Variants in TRDN observed in about 807,000 individuals in gnomAD.
The protein encoded by TRDN is triadin, also known as triadin in skeletal muscle.
A neutral mutation model predicts 149.7 loss-of-function variants in TRDN; 161 were observed. The ratio of observed to expected loss-of-function variants is 1.08; its 90% confidence interval spans 0.95 to 1.23. The LOEUF (loss-of-function observed/expected upper bound fraction) is 1.23. TRDN is among the 50% of genes most tolerant of loss of function. The pLI is 0.00. For synonymous variants in TRDN, 294 were observed against 250.5 expected, an observed-to-expected ratio of 1.17 and a Z score of -1.64; for missense variants, 896 against 823.5, an observed-to-expected ratio of 1.09 and a Z score of -1.08.
chr6:123,398,116 T>C (rs1271718472), intron 12 of TRDN, among the ~76,000 whole-genome samples: 3 of 152,240 alleles, frequency 2.0e-5, no homozygotes, highest in East Asian at 3.8e-4. Context: ...GCAATTCTCC[T>C]GCCTCAGCCT....
At chr6:123,282,928 G>A (rs1190611715) in intron 24 of TRDN, among the ~76,000 whole-genome samples, 1 of 151,820 alleles carries the variant, frequency 6.6e-6, no homozygotes, top group Non-Finnish European at 1.5e-5. Context: ...GACTCATTAA[G>A]TAAGTCCATT....
intron 37 of TRDN, 79 bp from the exon 38 acceptor site, chr6:123,252,514 ATATC>A: frequency 1.4e-6 from 1 of 723,318 alleles, no homozygotes; most frequent in Non-Finnish European, 2.2e-6. Flanking sequence ...CTTTATAAAA[ATATC>A]TAATTATTTT....
At chr6:123,315,049 A>G (rs575818635) in intron 24 of TRDN, among the ~76,000 whole-genome samples, 4 of 152,122 alleles carry the variant, frequency 2.6e-5, no homozygotes, top group Admixed American at 2.6e-4. Flanking sequence ...ACTTAATGTA[A>G]ACTAATAATA....
intron 38 of TRDN, among the ~76,000 whole-genome samples, chr6:123,250,164 C>G (rs562960125): frequency 6.6e-6 from 1 of 152,100 alleles, no homozygotes; most frequent in Non-Finnish European, 1.5e-5. Flanking sequence ...ACAAGGAAAA[C>G]TACAAACACT....
chr6:123,335,214 A>G (rs1231120607), intron 22 of TRDN, among the ~76,000 whole-genome samples: 1 of 151,880 alleles, frequency 6.6e-6, no homozygotes, highest in Non-Finnish European at 1.5e-5. Context: ...TATATATAAT[A>G]AAGGCATTTT....
At chr6:123,248,105 T>C (rs192472851) in intron 38 of TRDN, among the ~76,000 whole-genome samples, 2 of 152,220 alleles carry the variant, frequency 1.3e-5, no homozygotes, top group East Asian at 1.9e-4. Context: ...TAACTGAAGA[T>C]GGATTAAAGA....
chr6:123,233,227 CA>C (rs1268380729), intron 38 of TRDN, among the ~76,000 whole-genome samples: 1 of 152,006 alleles, frequency 6.6e-6, no homozygotes, highest in Non-Finnish European at 1.5e-5. Flanking sequence ...TAGTTCAAAG[CA>C]ACATTTGACA....
At chr6:123,295,315 CTT>C (rs1010628255) in intron 24 of TRDN, among the ~76,000 whole-genome samples, 10 of 152,300 alleles carry the variant, frequency 6.6e-5, no homozygotes, top group African/African-American at 2.4e-4. Flanking sequence ...AGATGCTACT[CTT>C]TGCCTATGGA....
At chr6:123,447,633 A>T (rs1775467460) in intron 10 of TRDN, among the ~76,000 whole-genome samples, 1 of 152,192 alleles carries the variant, frequency 6.6e-6, no homozygotes, top group South Asian at 2.1e-4. Context: ...AAGCTATATC[A>T]TTCATGAAAT....
chr6:123,446,036 C>T (rs1015419715), intron 10 of TRDN, among the ~76,000 whole-genome samples: 1 of 151,070 alleles, frequency 6.6e-6, no homozygotes, highest in Non-Finnish European at 1.5e-5. Flanking sequence ...CACATATACT[C>T]CATGGAATAC....
chr6:123,591,437 G>A (rs558608748), intron 1 of TRDN, among the ~76,000 whole-genome samples: 1 of 152,136 alleles, frequency 6.6e-6, no homozygotes, highest in South Asian at 2.1e-4. Flanking sequence ...GTACAGATGG[G>A]GTTTCACCAT....
chr6:123,473,532 C>T (rs1334784579), intron 9 of TRDN, among the ~76,000 whole-genome samples: 3 of 151,976 alleles, frequency 2.0e-5, no homozygotes, highest in Non-Finnish European at 2.9e-5. Context: ...AGGATATTAT[C>T]CAGGAGAACT....
intron 1 of TRDN, among the ~76,000 whole-genome samples, chr6:123,631,303 A>G (rs771139418): frequency 2.6e-5 from 4 of 151,982 alleles, no homozygotes; most frequent in African/African-American, 7.2e-5. Context: ...TCCAAGCCAT[A>G]GCACTTTTTA....
chr6:123,595,970 C>T (rs1048872870), intron 1 of TRDN, among the ~76,000 whole-genome samples: 1 of 152,034 alleles, frequency 6.6e-6, no homozygotes, highest in African/African-American at 2.4e-5. Context: ...GGAAGAGTTA[C>T]ACATCTCTTC....
At chr6:123,586,710 A>T (rs1265522874) in intron 1 of TRDN, among the ~76,000 whole-genome samples, 1 of 151,944 alleles carries the variant, frequency 6.6e-6, no homozygotes, top group Non-Finnish European at 1.5e-5. Context: ...GTTCTTAAGA[A>T]CACAGACTAA....
At chr6:123,495,718 T>G (rs911937368) in intron 9 of TRDN, among the ~76,000 whole-genome samples, 3 of 151,932 alleles carry the variant, frequency 2.0e-5, no homozygotes, top group Non-Finnish European at 4.4e-5. Flanking sequence ...TGTTGAGAGG[T>G]TCTCTTCATG....
At chr6:123,465,826 T>A (rs1418172361) in intron 9 of TRDN, among the ~76,000 whole-genome samples, 4 of 152,208 alleles carry the variant, frequency 2.6e-5, no homozygotes, top group Non-Finnish European at 5.9e-5. Context: ...AACATGGGCA[T>A]GTGTAACTTC....
chr6:123,386,692 T>A (rs1317060999), intron 14 of TRDN, among the ~76,000 whole-genome samples: 1 of 152,192 alleles, frequency 6.6e-6, no homozygotes, highest in Non-Finnish European at 1.5e-5. Context: ...TAAAGCTGCC[T>A]GGAATGGAGC....
intron 4 of TRDN, among the ~76,000 whole-genome samples, chr6:123,538,761 A>C (rs1780677690): frequency 6.6e-6 from 1 of 152,168 alleles, no homozygotes; most frequent in Non-Finnish European, 1.5e-5. Context: ...GATCCTTAAA[A>C]ATTTTCAAAA....
Sources: gnomAD v4.1 joint callset for allele counts (sites outside exome capture counted in the v4.1 genomes callset) on GRCh38, gnomAD v4.1.1 for gene constraint, MANE v1.5 for transcripts, NCBI Gene and HGNC (gene_info 2026-07-23, HGNC 2026-07-21) for gene names.